Variants in KCNQ1 observed in about 807,000 individuals in gnomAD.
KCNQ1 encodes the protein potassium voltage-gated channel subfamily Q member 1.
KCNQ1 carries 49 observed loss-of-function variants against 72.4 expected under a neutral mutation model. The observed-to-expected ratio is 0.68, with a 90% CI of 0.54 to 0.86. KCNQ1 has a LOEUF of 0.86. KCNQ1 is among the 40% of genes least tolerant of loss of function. KCNQ1 has a pLI of 0.00. For missense variants in KCNQ1, 790 were observed against 945.1 expected, an observed-to-expected ratio of 0.84 and a Z score of 2.15; for synonymous variants, 450 against 412.6, an observed-to-expected ratio of 1.09 and a Z score of -1.10.
rs1223022330 is a variant in KCNQ1 at position 2,772,091 on chromosome 11, G to GAGC, written c.1590+3177_1590+3179dup. Among the ~76,000 whole-genome samples the GAGC allele has an allele frequency of 6.6e-6, 1 of 152,164 alleles. No homozygotes were observed. On this transcript the variant is annotated intron_variant, in intron 12 of 15. Coordinates refer to ENST00000155840, the MANE Select transcript of KCNQ1 (RefSeq NM_000218.3). This position sits in a 1 kb window ranked among gnomAD's most constrained non-coding sequence, Gnocchi z 6.6. ...CTCACCAGCTGGCTCTTATTGCTGG[G>GAGC]AGCAGCATGGAGGGGTGGGGCCAGG...
At chr11:2,665,189 AAC>A in intron 11 of KCNQ1, 1 of 398,714 alleles carries the variant, frequency 2.5e-6, no homozygotes, top group Non-Finnish European at 4.4e-6. Context: ...CTCAGCCTCG[AAC>A]ACACCTTTCA....
chr11:2,587,730 G>C (rs1320287870), intron 9 of KCNQ1, 38 bp downstream of exon 9: 1 of 1,613,198 alleles, frequency 6.2e-7, no homozygotes, highest in Admixed American at 1.7e-5. Flanking sequence ...GGGCCTTCTT[G>C]CTAGCAGGTG....
In KCNQ1 at chr11:2,478,594, C is replaced by A. The variant is rs569191718; in HGVS notation, c.386+33110C>A. Reference sequence around the variant, plus strand: ...AGAACAGCATGGAGGAAACCACCCCCATGATTCAATTATCTCCCACGAGGT... The same window carrying A: ...AGAACAGCATGGAGGAAACCACCCCAATGATTCAATTATCTCCCACGAGGT... On this transcript the variant is annotated intron_variant, in intron 1 of 15. Coordinates refer to ENST00000155840, the MANE Select transcript of KCNQ1 (RefSeq NM_000218.3). This position sits in a 1 kb window ranked among gnomAD's most constrained non-coding sequence, Gnocchi z 4.0. Among the ~76,000 whole-genome samples the A allele has an allele frequency of 6.6e-6, 1 of 152,254 alleles. No individual in the cohort carries two copies. Among genetic ancestry groups the A allele is most frequent in the East Asian group, 1.9e-4 (1 of 5,174 alleles).
At chr11:2,805,813 A>G (rs574006193) in intron 15 of KCNQ1, among the ~76,000 whole-genome samples, 9 of 152,184 alleles carry the variant, frequency 5.9e-5, no homozygotes, top group Non-Finnish European at 1.2e-4. Flanking sequence ...TGCTCCAGAA[A>G]TCGCTCTGAT....
At chr11:2,455,383 C>T (rs1422458748) in intron 1 of KCNQ1, among the ~76,000 whole-genome samples, 2 of 152,192 alleles carry the variant, frequency 1.3e-5, no homozygotes, top group African/African-American at 2.4e-5. Flanking sequence ...AGGCTTGAGC[C>T]ACCGTGCCTG....
intron 1 of KCNQ1, among the ~76,000 whole-genome samples, chr11:2,487,997 T>C (rs1369924143): frequency 6.6e-6 from 1 of 152,184 alleles, no homozygotes; most frequent in African/African-American, 2.4e-5. Context: ...ATGTTAGCTG[T>C]GGATTTTCAC....
At position 2,698,147 on chromosome 11, in the gene KCNQ1, CAG is replaced by C. The variant is rs143134773; in HGVS notation, c.1514+36069_1514+36070del. On this transcript the variant is annotated intron_variant, in intron 11 of 15. Transcript: ENST00000155840. The surrounding 1 kb of genome is among the most constrained non-coding windows in gnomAD (Gnocchi z 5.1). The stretch of plus-strand genomic sequence containing the variant: ...ACAGAGCAGGCAGCAGAAAACAAAA[CAG>C]AGTTCCTCGTTGGGAGCTTTTGGTC... 244 of 398,642 alleles carry C rather than the reference CAG, an allele frequency of 6.1e-4. No individual in the cohort carries two copies. The East Asian group carries it at 8.7e-3, about 14-fold the overall frequency. The allele number at this position is 398,642 out of a possible 1,614,324, so 24.7% of individuals were successfully genotyped here. A position where few individuals can be genotyped will look rare whatever the true frequency, so the allele number is the denominator to read the frequency against.
chr11:2,692,055 A>ACCCAGCCAGAC (rs1850596781), intron 11 of KCNQ1: 1 of 398,180 alleles, frequency 2.5e-6, no homozygotes, highest in Non-Finnish European at 4.4e-6. Context: ...TGTCTCTCCA[A>ACCCAGCCAGAC]CCCAGCCAGA....
chr11:2,733,850 T>TCA (rs1337843097), intron 11 of KCNQ1, among the ~76,000 whole-genome samples: 1 of 36,556 alleles, frequency 2.7e-5, no homozygotes, highest in Non-Finnish European at 5.5e-5. Context: ...TCTCTCTCTC[T>TCA]CTCTCTCCCC....
At position 2,585,226 on chromosome 11, in the gene KCNQ1, G is replaced by C. The variant is rs199630316; in HGVS notation, c.1047G>C (p.Ser349=). 2 of 1,614,032 alleles carry C rather than the reference G, an allele frequency of 1.2e-6. No homozygotes were observed. Among genetic ancestry groups the C allele is most frequent in the Non-Finnish European group, 1.7e-6 (2 of 1,179,970 alleles). The part of the protein sequence containing the change: ...FFALPAGILG[S]GFALKVQQKQ... ...TTCCTTCCCAGGGGATTCTTGGCTC[G>C]GGGTTTGCCCTGAAGGTGCAGCAGA... Residue 349 remains serine (S), a synonymous_variant, in exon 8 of 16, where the codon TCG becomes TCC. Coordinates refer to ENST00000155840, the MANE Select transcript of KCNQ1 (RefSeq NM_000218.3).
At chr11:2,487,405 G>T (rs1005313498) in intron 1 of KCNQ1, among the ~76,000 whole-genome samples, 18 of 151,902 alleles carry the variant, frequency 1.2e-4, no homozygotes, top group African/African-American at 3.1e-4. Context: ...TTCTATTTTT[G>T]CAAAAAGTGT....
chr11:2,759,755 G>A lies in KCNQ1; in HGVS notation c.1515-9089G>A, dbSNP rs572899397. 6.6e-6 allele frequency among the ~76,000 whole-genome samples: 1 copy of A among 152,268 alleles called. No individual in the cohort carries two copies. Among genetic ancestry groups the A allele is most frequent in the East Asian group, 1.9e-4 (1 of 5,184 alleles). On this transcript the variant is annotated intron_variant, in intron 11 of 15. Coordinates refer to ENST00000155840, the MANE Select transcript of KCNQ1 (RefSeq NM_000218.3). The surrounding 1 kb of genome is among the most constrained non-coding windows in gnomAD (Gnocchi z 4.4). Reference sequence around the variant, plus strand: ...TGCATCTGACTTAACTGTCTGGCTGGGGGAGAGGGGACAGAGGTCCTGGGA... The same window carrying A: ...TGCATCTGACTTAACTGTCTGGCTGAGGGAGAGGGGACAGAGGTCCTGGGA...
In KCNQ1 at chr11:2,623,711, A is replaced by G; in HGVS notation, c.1393+34857A>G. Reference sequence around the variant, plus strand: ...GGTTGCTTCCAATTTCAACAATCACAAATAAAGCTTCTGTAAACATCTCTG... The same window carrying G: ...GGTTGCTTCCAATTTCAACAATCACGAATAAAGCTTCTGTAAACATCTCTG... On this transcript the variant is annotated intron_variant, in intron 10 of 15. Coordinates refer to ENST00000155840, the MANE Select transcript of KCNQ1 (RefSeq NM_000218.3). This position sits in a 1 kb window ranked among gnomAD's most constrained non-coding sequence, Gnocchi z 5.2. 2.5e-6 allele frequency: 1 copy of G among 398,568 alleles called. No individual in the cohort carries two copies. The highest frequency in any genetic ancestry group is 4.4e-6 in the Non-Finnish European group (1 of 226,036). 24.7% of individuals were successfully genotyped at this position (398,568 alleles called of 1,614,324 possible).
At chr11:2,753,828 C>G (rs1846261181) in intron 11 of KCNQ1, among the ~76,000 whole-genome samples, 1 of 152,166 alleles carries the variant, frequency 6.6e-6, no homozygotes, top group South Asian at 2.1e-4. Context: ...CCCAGCTTCC[C>G]TCTATCTGAG....
intron 15 of KCNQ1, among the ~76,000 whole-genome samples, chr11:2,836,561 A>G (rs1452650644): frequency 6.6e-6 from 1 of 152,208 alleles, no homozygotes; most frequent in African/African-American, 2.4e-5. Flanking sequence ...TGGAGCCCTC[A>G]GCCTCCACGC....
intron 11 of KCNQ1, among the ~76,000 whole-genome samples, chr11:2,733,800 ACACACACACACACACTCTCT>A (rs1845895081): frequency 1.0e-5 from 1 of 99,002 alleles, no homozygotes; most frequent in Non-Finnish European, 2.1e-5. Context: ...ACACACACAC[ACACACACACACACACTCTCT>A]CACTCTCTCT....
intron 11 of KCNQ1, chr11:2,697,585 G>A (rs559386851): frequency 3.8e-5 from 15 of 398,558 alleles, no homozygotes; most frequent in African/African-American, 1.8e-4. Context: ...ACACATAGGC[G>A]TTAAACTTTA....
Position 2,673,314 on chromosome 11 carries a change from G to C in KCNQ1, c.1514+11233G>C, listed in dbSNP as rs1374824752. On this transcript the variant is annotated intron_variant, in intron 11 of 15. Coordinates refer to ENST00000155840, the MANE Select transcript of KCNQ1 (RefSeq NM_000218.3). This position sits in a 1 kb window ranked among gnomAD's most constrained non-coding sequence, Gnocchi z 4.5. ...AATCTTGAGAGAAACAATCCCACAG[G>C]CTACCAGGCCAGCTTTTGGAAACAG... 2 of 398,664 alleles carry C rather than the reference G, an allele frequency of 5.0e-6. No homozygotes were observed. Among genetic ancestry groups the C allele is most frequent in the South Asian group, 1.3e-4 (1 of 7,866 alleles). The allele number at this position is 398,664 out of a possible 1,614,324, so 24.7% of individuals were successfully genotyped here.
Position 2,572,249 on chromosome 11 carries a change from G to A in KCNQ1, c.780+140G>A, listed in dbSNP as rs1467266078. On this transcript the variant is annotated intron_variant, in intron 5 of 15. Coordinates refer to ENST00000155840, the MANE Select transcript of KCNQ1 (RefSeq NM_000218.3). ...CCTGGGCGCAGGGGTACCTGAACGGGGCCCAGGATCTCAGAGCAAGCCCAA... is the reference window on the plus strand; with the variant it reads ...CCTGGGCGCAGGGGTACCTGAACGGAGCCCAGGATCTCAGAGCAAGCCCAA... 6 of 643,714 alleles carry A rather than the reference G, an allele frequency of 9.3e-6. No homozygotes were observed. In the Admixed American group the frequency reaches 1.5e-4, roughly 16 times the overall value. 39.9% of individuals were successfully genotyped at this position (643,714 alleles called of 1,614,324 possible).
Sources: allele counts gnomAD v4.1 joint callset (sites outside exome capture counted in the v4.1 genomes callset), GRCh38; gene constraint gnomAD v4.1.1; non-coding constraint Gnocchi (gnomAD v3.1); transcripts MANE v1.5; gene names NCBI Gene and HGNC (gene_info 2026-07-23, HGNC 2026-07-21).